Variants in MACROD2 observed in about 807,000 individuals in gnomAD.
MACROD2 encodes the protein mono-ADP ribosylhydrolase 2.
Under a neutral mutation model 70.4 loss-of-function variants are expected in MACROD2, and 36 were observed. The observed-to-expected ratio is 0.51, with a 90% CI of 0.39 to 0.68. MACROD2 has a LOEUF of 0.68. Among genes scored for constraint, MACROD2 ranks in the 30% least tolerant of loss-of-function variants. The pLI, the probability that MACROD2 is intolerant of heterozygous loss-of-function variation, is 0.00. For missense variants in MACROD2, 496 were observed against 538.4 expected (o/e 0.92, Z 0.78); for synonymous variants, 172 against 178.8 (o/e 0.96, Z 0.30).
intron 12 of MACROD2, among the ~76,000 whole-genome samples, chr20:15,963,214 G>A (rs1313573342): frequency 1.3e-5 from 2 of 151,788 alleles, no homozygotes; most frequent in African/African-American, 2.4e-5. Context: ...TGGTACTCAT[G>A]TGTAGACATT....
At chr20:15,534,255 A>G (rs1159244497) in intron 8 of MACROD2, among the ~76,000 whole-genome samples, 11 of 152,240 alleles carry the variant, frequency 7.2e-5, no homozygotes, top group Non-Finnish European at 1.6e-4. Context: ...TTCTGAACAT[A>G]GTAATTCAAA....
rs146528485 is a variant in MACROD2 at position 15,041,067 on chromosome 20, A to G, written c.419-188873A>G. On this transcript the variant is annotated intron_variant, in intron 5 of 17. Coordinates refer to ENST00000684519, the MANE Select transcript of MACROD2 (RefSeq NM_001351661.2). ...ACTTGTTATATGGATTCTTGACATG[A>G]TGATTGGTTTTTATAAATTTGAGCT... Among the ~76,000 whole-genome samples the G allele has an allele frequency of 7.1e-3, 1,085 of 152,336 alleles. 18 individuals are homozygous for G. Among genetic ancestry groups the G allele is most frequent in the African/African-American group, 0.024 (1,001 of 41,580 alleles).
chr20:15,727,991 G>C (rs2050889398), intron 8 of MACROD2, among the ~76,000 whole-genome samples: 1 of 151,614 alleles, frequency 6.6e-6, no homozygotes, highest in Non-Finnish European at 1.5e-5. Flanking sequence ...TCCTCCAGGG[G>C]AATGCTTCCA....
At chr20:14,565,332 T>C (rs1307102688) in intron 4 of MACROD2, among the ~76,000 whole-genome samples, 2 of 148,698 alleles carry the variant, frequency 1.3e-5, no homozygotes, top group Non-Finnish European at 1.5e-5. Context: ...CTTATACTCC[T>C]GAATCTATAA....
chr20:14,328,549 G>T (rs940739363), intron 3 of MACROD2, among the ~76,000 whole-genome samples: 1 of 152,020 alleles, frequency 6.6e-6, no homozygotes, highest in Non-Finnish European at 1.5e-5. Context: ...GTAATTTTAG[G>T]CATGAAAATA....
chr20:15,874,007 T>A (rs909447391), intron 9 of MACROD2, among the ~76,000 whole-genome samples: 6 of 152,102 alleles, frequency 3.9e-5, no homozygotes, highest in African/African-American at 1.4e-4. Flanking sequence ...GTTGGTTTGC[T>A]GTACCCGTCA....
At chr20:15,846,713 A>G (rs2064234698) in intron 8 of MACROD2, among the ~76,000 whole-genome samples, 1 of 151,982 alleles carries the variant, frequency 6.6e-6, no homozygotes, top group Admixed American at 6.6e-5. Context: ...ACTCACACCC[A>G]CTGGCTAGAG....
chr20:15,431,942 T>C (rs1404182585), intron 7 of MACROD2, among the ~76,000 whole-genome samples: 2 of 152,042 alleles, frequency 1.3e-5, no homozygotes, highest in Non-Finnish European at 2.9e-5. Context: ...TGCATAGTGA[T>C]GGATTGTGTT....
At chr20:15,060,476 A>G (rs1172850489) in intron 5 of MACROD2, among the ~76,000 whole-genome samples, 2 of 152,130 alleles carry the variant, frequency 1.3e-5, no homozygotes, top group African/African-American at 2.4e-5. Context: ...GCCTCGGGGC[A>G]TTTCCCTCTC....
At chr20:15,860,500 A>C (rs987115253) in intron 8 of MACROD2, among the ~76,000 whole-genome samples, 1 of 152,170 alleles carries the variant, frequency 6.6e-6, no homozygotes, top group Non-Finnish European at 1.5e-5. Flanking sequence ...CAAGTAGTTC[A>C]ATGTGGCTTG....
chr20:14,833,623 CCT>C (rs1371471242), intron 5 of MACROD2, among the ~76,000 whole-genome samples: 3 of 151,758 alleles, frequency 2.0e-5, no homozygotes, highest in African/African-American at 7.3e-5. Context: ...AGCTTTTTTT[CCT>C]CTCTTTTAAA....
chr20:14,857,005 A>G lies in MACROD2; in HGVS notation c.418+172046A>G, dbSNP rs528011665. On this transcript the variant is annotated intron_variant, in intron 5 of 17. Transcript: ENST00000684519. Reference sequence around the variant, plus strand: ...TAATTACATAAGAATATTAAATTTCAGAGTCTTAACCCATATAGTCCAGCA... The same window carrying G: ...TAATTACATAAGAATATTAAATTTCGGAGTCTTAACCCATATAGTCCAGCA... 1.2e-3 allele frequency among the ~76,000 whole-genome samples: 188 copies of G among 152,248 alleles called. 1 individual carries two copies. Among genetic ancestry groups the G allele is most frequent in the African/African-American group, 4.2e-3 (174 of 41,560 alleles).
chr20:14,852,385 AG>A (rs1003153374), intron 5 of MACROD2, among the ~76,000 whole-genome samples: 1 of 152,182 alleles, frequency 6.6e-6, no homozygotes, highest in African/African-American at 2.4e-5. Context: ...AGTGATGATA[AG>A]CCATAGATCA....
intron 7 of MACROD2, among the ~76,000 whole-genome samples, chr20:15,452,563 A>G (rs2146396193): frequency 6.6e-6 from 1 of 152,230 alleles, no homozygotes; most frequent in South Asian, 2.1e-4. Flanking sequence ...CTTCTCTCCC[A>G]TCTCCTCTGT....
intron 3 of MACROD2, among the ~76,000 whole-genome samples, chr20:14,440,799 G>A (rs2876378): frequency 0.012 from 1,798 of 152,288 alleles, 32 homozygotes; most frequent in African/African-American, 0.041. Context: ...AGGTAGCTAG[G>A]GAGCCCGGGG....
At chr20:15,227,961 GA>G (rs1568652735) in intron 5 of MACROD2, among the ~76,000 whole-genome samples, 1 of 149,544 alleles carries the variant, frequency 6.7e-6, no homozygotes, top group African/African-American at 2.4e-5. Flanking sequence ...GTATCCATCA[GA>G]AAACTTAGAA....
rs1167928964 is a variant in MACROD2 at position 15,381,966 on chromosome 20, A to G, written c.541-49439A>G. 4.6e-5 allele frequency among the ~76,000 whole-genome samples: 7 copies of G among 152,326 alleles called. No homozygotes were observed. The South Asian group carries it at 1.2e-3, about 27-fold the overall frequency. On this transcript the variant is annotated intron_variant, in intron 6 of 17. Coordinates refer to ENST00000684519, the MANE Select transcript of MACROD2 (RefSeq NM_001351661.2). ...CATCAGTATTACTAAAGGGAATTCC[A>G]GGTGACAAATCCCTAGCTGGGAAGG...
chr20:14,888,300 C>G (rs775671765), intron 5 of MACROD2: 1 of 152,350 alleles, frequency 6.6e-6, no homozygotes, highest in Non-Finnish European at 1.5e-5. Flanking sequence ...CTCTTCTGCT[C>G]CAAGCTGCTG....
intron 5 of MACROD2, among the ~76,000 whole-genome samples, chr20:14,986,043 G>A (rs2074845977): frequency 6.6e-6 from 1 of 152,078 alleles, no homozygotes; most frequent in Non-Finnish European, 1.5e-5. Context: ...ATAACCTTTG[G>A]ATTTTACCTT....
Sources: allele counts gnomAD v4.1 joint callset (sites outside exome capture counted in the v4.1 genomes callset), GRCh38; gene constraint gnomAD v4.1.1; transcripts MANE v1.5; gene names NCBI Gene and HGNC (gene_info 2026-07-23, HGNC 2026-07-21).